Variants in UMODL1 observed in about 807,000 individuals in gnomAD.
UMODL1 encodes uromodulin-like 1.
UMODL1 carries 128 observed loss-of-function variants against 136.3 expected under a neutral mutation model. That is an observed-to-expected ratio of 0.94 (90% CI 0.81 to 1.09). The LOEUF (loss-of-function observed/expected upper bound fraction) is 1.09, where lower values mean the gene tolerates loss of function less well. UMODL1 is among the 50% of genes least tolerant of loss of function. The probability of loss-of-function intolerance (pLI) is 0.00; values close to 1 mark genes in which losing one functional copy is unlikely to be tolerated. For synonymous variants in UMODL1, 721 were observed against 720.0 expected (o/e 1.00, Z -0.02); for missense variants, 1,766 against 1,725.6 (o/e 1.02, Z -0.41).
At chr21:42,114,784 TCAGA>T (rs2066882054) in intron 13 of UMODL1, among the ~76,000 whole-genome samples, 1 of 152,150 alleles carries the variant, frequency 6.6e-6, no homozygotes, top group Non-Finnish European at 1.5e-5. Context: ...GGCTGGACAG[TCAGA>T]CAGGGTGGCT....
intron 6 of UMODL1, among the ~76,000 whole-genome samples, chr21:42,092,060 A>T (rs899777343): frequency 6.6e-6 from 1 of 152,222 alleles, no homozygotes; most frequent in African/African-American, 2.4e-5. Context: ...GCTGGCCGGC[A>T]AGCAGGGAGG....
intron 9 of UMODL1, 30 bp from the exon 10 acceptor site, chr21:42,109,532 A>G (rs8127300): frequency 2.5e-6 from 4 of 1,605,854 alleles, no homozygotes; most frequent in East Asian, 2.2e-5. Context: ...CTGTTTTCTC[A>G]TGGGTTTTGA....
chr21:42,121,200 G>A lies in UMODL1; in HGVS notation c.2803G>A (p.Glu935Lys), dbSNP rs1440287386. The change falls in exon 16 of 23, where the codon GAA (glutamate) becomes AAA (lysine). Residue 935 changes from glutamate (E) to lysine (K), a missense_variant. Transcript: ENST00000408910. ...GGGAGGAGCCCCCGACTTCCCTGTG[G>A]AATATTCTGAGAGACCCTGTGAAGG... is the stretch of plus-strand genomic sequence containing the variant. ...CEGGAPDFPV[E>K]YSERPCEGDS... The A allele has an allele frequency of 1.2e-6, 2 of 1,613,772 alleles. No individual in the cohort carries two copies. Among genetic ancestry groups the A allele is most frequent in the South Asian group, 2.2e-5 (2 of 90,974 alleles).
Position 42,099,395 on chromosome 21 carries a change from A to G in UMODL1, c.1186+215A>G, listed in dbSNP as rs1361402039. On this transcript the variant is annotated intron_variant, in intron 7 of 22. Transcript: ENST00000408910. This position sits in a 1 kb window ranked among gnomAD's most constrained non-coding sequence, Gnocchi z 4.1. ...TTCACTGGCTCCCTCGCTTCCCTAC[A>G]TGTCGTCCTGTTAGGGGTTCGTTCT... 6.6e-6 allele frequency among the ~76,000 whole-genome samples: 1 copy of G among 152,024 alleles called. No individual in the cohort carries two copies. The highest frequency in any genetic ancestry group is 2.4e-5 in the African/African-American group (1 of 41,378).
intron 21 of UMODL1, among the ~76,000 whole-genome samples, chr21:42,131,596 C>T (rs34502620): frequency 0.061 from 3,856 of 62,752 alleles, 138 homozygotes; most frequent in Middle Eastern, 0.14. Flanking sequence ...AGGGAGGTCT[C>T]GGCCATGAAG....
intron 2 of UMODL1, among the ~76,000 whole-genome samples, chr21:42,083,318 C>T (rs1330969444): frequency 6.6e-6 from 1 of 152,210 alleles, no homozygotes; most frequent in Admixed American, 6.5e-5. Flanking sequence ...AGACCCGAAG[C>T]CTGGGAGCCT....
intron 20 of UMODL1, among the ~76,000 whole-genome samples, chr21:42,129,143 A>G (rs1238070823): frequency 4.6e-5 from 7 of 152,034 alleles, no homozygotes; most frequent in Non-Finnish European, 1.0e-4. Context: ...CACCAGCCAT[A>G]GTGGATTAGG....
In UMODL1 at chr21:42,071,382, C is replaced by G; in HGVS notation, c.66C>G (p.Ser22Arg). 1 of 1,590,804 alleles carries G rather than the reference C, an allele frequency of 6.3e-7. No homozygotes were observed. Among genetic ancestry groups the G allele is most frequent in the Non-Finnish European group, 8.6e-7 (1 of 1,169,118 alleles). Residue 22 changes from serine (S) to arginine (R), a missense_variant, in exon 1 of 23, where the codon AGC becomes AGG. Transcript: ENST00000408910. The stretch of plus-strand genomic sequence containing the variant: ...GTGCTGTGGGCCCAAGCCAGGCCAG[C>G]GGCTTCACAGGTGAGGGGTCTGGGC... ...LVSAVGPSQA[S>R]GFTEKGLSLL...
intron 7 of UMODL1, 88 bp from the exon 8 acceptor site, chr21:42,102,078 C>G: frequency 1.0e-6 from 1 of 980,316 alleles, no homozygotes. Flanking sequence ...AAAAATTATC[C>G]CGCCAAAGAG....
chr21:42,077,002 G>GT lies in UMODL1; in HGVS notation c.319+755_319+756insT, dbSNP rs2066299801. Among the ~76,000 whole-genome samples the GT allele has an allele frequency of 1.1e-3, 128 of 113,228 alleles. 1 individual carries two copies. The highest frequency in any genetic ancestry group is 3.8e-3 in the African/African-American group (124 of 32,506). 74.3% of individuals were successfully genotyped at this position (113,228 alleles called of 152,430 possible). A position where few individuals can be genotyped will look rare whatever the true frequency, so the allele number is the denominator to read the frequency against. ...CACAGGTGATCTCTTCCAGGGGAGG[G>GT]GTGTGTGTGTGTGTGTGTGTGTGTG... On this transcript the variant is annotated intron_variant, in intron 2 of 22. Coordinates refer to ENST00000408910, the MANE Select transcript of UMODL1 (RefSeq NM_001004416.3).
chr21:42,073,134 A>G (rs571882965), intron 1 of UMODL1, among the ~76,000 whole-genome samples: 61 of 152,330 alleles, frequency 4.0e-4, no homozygotes, highest in African/African-American at 1.4e-3. Context: ...TCTAGAGACC[A>G]GGAGCTGTAA....
intron 1 of UMODL1, among the ~76,000 whole-genome samples, chr21:42,071,904 C>T (rs956212713): frequency 4.6e-5 from 6 of 131,680 alleles, no homozygotes; most frequent in Non-Finnish European, 1.1e-4. Context: ...AAAAATTAGC[C>T]AGCCATGGTG....
intron 2 of UMODL1, among the ~76,000 whole-genome samples, chr21:42,083,143 G>A (rs550154260): frequency 2.4e-4 from 36 of 152,298 alleles, no homozygotes; most frequent in African/African-American, 8.4e-4. Context: ...AACAGCCAGC[G>A]GGCTGGCCTC....
intron 21 of UMODL1, among the ~76,000 whole-genome samples, chr21:42,136,947 G>A (rs144326496): frequency 0.01 from 1,570 of 152,068 alleles, 16 homozygotes; most frequent in Non-Finnish European, 0.016. Context: ...TAGTAGAGAC[G>A]GGGTTTCACC....
At position 42,088,416 on chromosome 21, in the gene UMODL1, C is replaced by T. The variant is rs538461824; in HGVS notation, c.726C>T (p.Asp242=). 3.0e-5 allele frequency: 48 copies of T among 1,613,976 alleles called. No homozygotes were observed. The highest frequency in any genetic ancestry group is 1.1e-4 in the African/African-American group (8 of 75,038). The part of the protein sequence containing the change: ...LGLPRPLPVA[D]VSTLLGDIAK... ...TGCCACGGCCACTGCCTGTGGCTGA[C>T]GTCTCCACCCTGCTGGGTGACATTG... The change falls in exon 5 of 23, where the codon GAC becomes GAT. Residue 242 remains aspartate (D), a synonymous_variant. Transcript: ENST00000408910.
chr21:42,141,564 C>T lies in UMODL1; in HGVS notation c.*22-532C>T, dbSNP rs187343947. 9.8e-4 allele frequency among the ~76,000 whole-genome samples: 149 copies of T among 152,356 alleles called. 1 individual carries two copies. The highest frequency in any genetic ancestry group is 4.9e-4 in the Non-Finnish European group (33 of 68,036). ...GGTGCTGGGTCATGCTGGATGTCCC[C>T]TTCCTCGAAATTAAAACATCCGAGG... On this transcript the variant is annotated intron_variant, in intron 22 of 22. Transcript: ENST00000408910.
At chr21:42,115,279 T>G (rs1031492965) in intron 13 of UMODL1, among the ~76,000 whole-genome samples, 1 of 152,150 alleles carries the variant, frequency 6.6e-6, no homozygotes, top group Admixed American at 6.5e-5. Flanking sequence ...TGCCACATAC[T>G]CCTAGAAGCC....
Position 42,133,956 on chromosome 21 carries a change from T to G in UMODL1, c.3776-3483T>G, listed in dbSNP as rs556780827. On this transcript the variant is annotated intron_variant, in intron 21 of 22. Transcript: ENST00000408910. ...TTGTTTGAGACAGAGTCTCACTCTA[T>G]TGCCAGGCTGGAGTGCAGTGGCATG... 2.6e-5 allele frequency among the ~76,000 whole-genome samples: 4 copies of G among 152,250 alleles called. No homozygotes were observed. In the East Asian group the frequency reaches 7.7e-4, roughly 29 times the overall value.
At position 42,088,438 on chromosome 21, in the gene UMODL1, A is replaced by G. The variant is rs1265372845; in HGVS notation, c.748A>G (p.Ile250Val). Residue 250 changes from isoleucine (I) to valine (V), a missense_variant, in exon 5 of 23, where the codon ATT (isoleucine) becomes GTT (valine). Ile to Val is a conservative substitution (Grantham distance 29). Coordinates refer to ENST00000408910, the MANE Select transcript of UMODL1 (RefSeq NM_001004416.3). ...VADVSTLLGD[I>V]AKRVYEVISV... ...TGACGTCTCCACCCTGCTGGGTGAC[A>G]TTGCGAAGCGTGTCTATGAAGTGAT... 1 of 1,613,480 alleles carries G rather than the reference A, an allele frequency of 6.2e-7. No homozygotes were observed. The highest frequency in any genetic ancestry group is 1.7e-5 in the Admixed American group (1 of 60,024).
Sources: gnomAD v4.1 joint callset for allele counts (sites outside exome capture counted in the v4.1 genomes callset) on GRCh38, gnomAD v4.1.1 for gene constraint, Gnocchi (gnomAD v3.1) non-coding constraint, MANE v1.5 for transcripts, NCBI Gene and HGNC (gene_info 2026-07-23, HGNC 2026-07-21) for gene names.